SLC35D1: variants seen among roughly 807,000 people sequenced by gnomAD.
SLC35D1 encodes nucleotide sugar transporter SLC35D1.
In SLC35D1, 31 loss-of-function variants were observed where a neutral mutation model predicts 46.7. The ratio of observed to expected loss-of-function variants is 0.66; its 90% confidence interval spans 0.50 to 0.90. SLC35D1 has a LOEUF of 0.90. Ranked by LOEUF, SLC35D1 falls within the 40% of genes least tolerant of loss-of-function variation. The probability of loss-of-function intolerance (pLI) is 0.00; values close to 1 mark genes in which losing one functional copy is unlikely to be tolerated. For synonymous variants in SLC35D1, 195 were observed against 164.6 expected (o/e 1.18, Z -1.41); for missense variants, 397 against 426.2 (o/e 0.93, Z 0.60).
chr1:66,990,546 T>C, the SLC35D1 span, among the ~76,000 whole-genome samples: 1 of 152,084 alleles, frequency 6.6e-6, no homozygotes, highest in African/African-American at 2.4e-5. Flanking sequence ...GGATTACAGG[T>C]GTGACCACCA....
intron 5 of SLC35D1, 63 bp from the exon 6 acceptor site, chr1:67,049,913 A>T (rs905843723): frequency 8.4e-7 from 1 of 1,191,894 alleles, no homozygotes; most frequent in African/African-American, 1.5e-5. Flanking sequence ...TTTACAACAG[A>T]AGCAAAAAAT....
the SLC35D1 span, among the ~76,000 whole-genome samples, chr1:66,990,283 C>CT: frequency 6.6e-6 from 1 of 152,084 alleles, no homozygotes; most frequent in Non-Finnish European, 1.5e-5. Context: ...TGCAATTTTT[C>CT]TTTTTTCCGG....
At chr1:66,975,109 G>T in the SLC35D1 span, among the ~76,000 whole-genome samples, 1 of 152,104 alleles carries the variant, frequency 6.6e-6, no homozygotes, top group Non-Finnish European at 1.5e-5. Context: ...GTAAGGGAGG[G>T]TATCATCAAC....
At position 67,042,222 on chromosome 1, in the gene SLC35D1, T is replaced by C; in HGVS notation, c.729+14A>G. 6.2e-7 allele frequency: 1 copy of C among 1,608,804 alleles called. No homozygotes were observed. The highest frequency in any genetic ancestry group is 2.2e-5 in the East Asian group (1 of 44,852). ...ATCAACGTAAGCCATTAAACCGTAA[T>C]TAGAAAGTCCTACCTTTTGTGCATC... On this transcript the variant is annotated intron_variant, in intron 8 of 11. Coordinates refer to ENST00000235345, the MANE Select transcript of SLC35D1 (RefSeq NM_015139.3).
At chr1:66,994,360 C>T (rs1252200531), downstream of SLC35D1, among the ~76,000 whole-genome samples, 1 of 152,106 alleles carries the variant, frequency 6.6e-6, no homozygotes, top group Non-Finnish European at 1.5e-5. Context: ...ATTAAGAAAT[C>T]CAGGCCAGGC....
At chr1:66,985,019 C>G in the SLC35D1 span, 84 of 1,405,658 alleles carry the variant, frequency 6.0e-5, no homozygotes, top group Non-Finnish European at 6.8e-5. Context: ...TGAATTGAGT[C>G]TTAACTTTAG....
chr1:66,989,455 G>T, the SLC35D1 span, among the ~76,000 whole-genome samples: 3 of 152,156 alleles, frequency 2.0e-5, no homozygotes, highest in African/African-American at 7.2e-5. Flanking sequence ...TTAATATGAG[G>T]AATATATAAA....
At chr1:67,026,517 A>C (rs79642850) in intron 8 of SLC35D1, among the ~76,000 whole-genome samples, 321 of 152,312 alleles carry the variant, frequency 2.1e-3, no homozygotes, top group Non-Finnish European at 3.9e-3. Context: ...GGAAGAATTT[A>C]TGTAGAATTA....
At chr1:66,991,185 C>T in the SLC35D1 span, among the ~76,000 whole-genome samples, 2 of 152,102 alleles carry the variant, frequency 1.3e-5, no homozygotes, top group South Asian at 2.1e-4. Flanking sequence ...GGGGGAGCTC[C>T]GACTCTAGGA....
At chr1:67,016,768 T>G (rs1379151623) in intron 10 of SLC35D1, among the ~76,000 whole-genome samples, 2 of 152,166 alleles carry the variant, frequency 1.3e-5, no homozygotes, top group East Asian at 3.8e-4. Context: ...AATACACATC[T>G]GTTTTCTTTG....
At chr1:67,027,842 G>A (rs58096117) in intron 8 of SLC35D1, among the ~76,000 whole-genome samples, 29,623 of 151,896 alleles carry the variant, frequency 0.2, 5,346 homozygotes, top group African/African-American at 0.49. Context: ...AGTGATTCTC[G>A]TGCTTCAGTA....
intron 10 of SLC35D1, among the ~76,000 whole-genome samples, chr1:67,013,880 A>G (rs1667627062): frequency 1.3e-5 from 2 of 152,218 alleles, no homozygotes; most frequent in African/African-American, 4.8e-5. Context: ...ATGTAGTTTA[A>G]ATACTTTTAA....
intron 8 of SLC35D1, among the ~76,000 whole-genome samples, chr1:67,036,105 G>C (rs559691850): frequency 6.6e-6 from 1 of 152,086 alleles, no homozygotes; most frequent in East Asian, 1.9e-4. Context: ...CTAACATATG[G>C]TCTATCCTTG....
Position 67,042,294 on chromosome 1 carries a change from G to A in SLC35D1, c.671C>T (p.Ala224Val). ...LGKYGLLYYN[A>V]LFMILPTLAI... Reference sequence around the variant, plus strand: ...CAGGGTGGGCAGAATCATGAACAGTGCATTGTAATAGAGCAGTCCATATTT... The same window carrying A: ...CAGGGTGGGCAGAATCATGAACAGTACATTGTAATAGAGCAGTCCATATTT... The change falls in exon 8 of 12, where the codon GCA (alanine) becomes GTA (valine). Residue 224 changes from alanine to valine, a missense_variant. Physicochemically the swap from Ala to Val is moderately conservative, Grantham distance 64 (BLOSUM62 0). Transcript: ENST00000235345. 6.2e-7 allele frequency: 1 copy of A among 1,614,116 alleles called. No homozygotes were observed. The highest frequency in any genetic ancestry group is 8.5e-7 in the Non-Finnish European group (1 of 1,179,988).
the SLC35D1 span, chr1:66,984,683 T>G: frequency 3.7e-6 from 6 of 1,614,032 alleles, no homozygotes; most frequent in Non-Finnish European, 5.1e-6. Context: ...CATGCAGATA[T>G]GGATACTAAT....
chr1:66,978,196 C>CA, the SLC35D1 span, among the ~76,000 whole-genome samples: 786 of 91,300 alleles, frequency 8.6e-3, 3 homozygotes, highest in African/African-American at 0.022. Context: ...ACTCCATCTC[C>CA]AAAAAAAAAA....
the SLC35D1 span, chr1:66,988,305 C>G: frequency 6.6e-6 from 1 of 152,272 alleles, no homozygotes; most frequent in Non-Finnish European, 1.5e-5. Context: ...TCTACTGATA[C>G]AACTTTTTAC....
chr1:67,048,883 T>C (rs1645279134), intron 6 of SLC35D1, among the ~76,000 whole-genome samples: 2 of 152,348 alleles, frequency 1.3e-5, no homozygotes, highest in South Asian at 4.1e-4. Flanking sequence ...ATATCTTATG[T>C]GAGGCCAATT....
At chr1:67,014,053 A>AT (rs1461785823) in intron 10 of SLC35D1, among the ~76,000 whole-genome samples, 1 of 152,162 alleles carries the variant, frequency 6.6e-6, no homozygotes, top group Non-Finnish European at 1.5e-5. Flanking sequence ...TATTTTAATT[A>AT]TTAGGCCCTA....
Sources: allele counts gnomAD v4.1 joint callset (sites outside exome capture counted in the v4.1 genomes callset), GRCh38; gene constraint gnomAD v4.1.1; transcripts MANE v1.5; gene names NCBI Gene and HGNC (gene_info 2026-07-23, HGNC 2026-07-21).